Variants in PIK3CB observed in about 807,000 individuals in gnomAD.
PIK3CB encodes phosphatidylinositol 4,5-bisphosphate 3-kinase catalytic subunit beta isoform.
PIK3CB carries 39 observed loss-of-function variants against 136.8 expected under a neutral mutation model. The observed-to-expected ratio is 0.29, with a 90% confidence interval of 0.22 to 0.37. PIK3CB has a LOEUF of 0.37. Among genes scored for constraint, PIK3CB ranks in the 10% least tolerant of loss-of-function variants. PIK3CB has a pLI of 1.00. For missense variants in PIK3CB, 868 were observed against 1,275.4 expected, an observed-to-expected ratio of 0.68 and a Z score of 4.87; for synonymous variants, 428 against 436.6, an observed-to-expected ratio of 0.98 and a Z score of 0.25.
chr3:138,661,373 C>T (rs1009433548), intron 21 of PIK3CB, among the ~76,000 whole-genome samples: 1 of 152,100 alleles, frequency 6.6e-6, no homozygotes, highest in Non-Finnish European at 1.5e-5. Context: ...ATGGGACTTG[C>T]GTACCCCTTT....
chr3:138,759,328 T>C lies in PIK3CB; in HGVS notation c.16A>G (p.Ile6Val), dbSNP rs781669505. MCFSF[I>V]MPPAMADILD... ...ATGTCTGCCATAGCAGGAGGCATTA[T>C]GAAACTGAAGCACATTCATAACCAC... is the stretch of plus-strand genomic sequence containing the variant. The change falls in exon 3 of 24, where the codon ATA becomes GTA. Residue 6 changes from isoleucine to valine, a missense_variant. Physicochemically the swap from Ile to Val is conservative, Grantham distance 29. Coordinates refer to ENST00000674063, the MANE Select transcript of PIK3CB (RefSeq NM_006219.3). 4 of 1,608,340 alleles carry C rather than the reference T, an allele frequency of 2.5e-6. No individual in the cohort carries two copies. The highest frequency in any genetic ancestry group is 2.2e-5 in the East Asian group (1 of 44,854).
At chr3:138,804,031 CCTGA>C (rs2046204164) in intron 1 of PIK3CB, among the ~76,000 whole-genome samples, 1 of 152,112 alleles carries the variant, frequency 6.6e-6, no homozygotes, top group African/African-American at 2.4e-5. Context: ...ATAGAAGCAA[CCTGA>C]CTGACAGGCC....
intron 8 of PIK3CB, among the ~76,000 whole-genome samples, chr3:138,732,907 G>A (rs1470312057): frequency 6.6e-6 from 1 of 151,556 alleles, no homozygotes; most frequent in African/African-American, 2.4e-5. Context: ...AGTGGTAAGA[G>A]TACCTAAAAT....
rs570877546 is a variant in PIK3CB at position 138,791,204 on chromosome 3, G to A, written c.-17+5259C>T. 3.3e-5 allele frequency among the ~76,000 whole-genome samples: 5 copies of A among 150,784 alleles called. No homozygotes were observed. The East Asian group carries it at 8.1e-4, about 24-fold the overall frequency. On this transcript the variant is annotated intron_variant, in intron 2 of 23. Coordinates refer to ENST00000674063, the MANE Select transcript of PIK3CB (RefSeq NM_006219.3). ...GTCACCCAGGCTGGAGTGCAGTGGT[G>A]CAATCTCGGCTCACTGCAACCTCCA...
intron 13 of PIK3CB, among the ~76,000 whole-genome samples, chr3:138,695,908 A>G (rs1297591618): frequency 1.4e-5 from 2 of 145,642 alleles, no homozygotes; most frequent in Non-Finnish European, 3.0e-5. Context: ...GGTGCCTGCC[A>G]CTATGCCCAG....
At chr3:138,672,253 G>C (rs549670565) in intron 19 of PIK3CB, among the ~76,000 whole-genome samples, 4 of 151,902 alleles carry the variant, frequency 2.6e-5, no homozygotes, top group Admixed American at 6.6e-5. Context: ...ATCTACCCCA[G>C]AAACTGGGTA....
chr3:138,780,531 A>C (rs1397267281), intron 2 of PIK3CB, among the ~76,000 whole-genome samples: 4 of 152,224 alleles, frequency 2.6e-5, no homozygotes, highest in Non-Finnish European at 4.4e-5. Flanking sequence ...GGCCTCCCAA[A>C]GTGCTAGGAT....
intron 8 of PIK3CB, among the ~76,000 whole-genome samples, chr3:138,720,456 C>CTG (rs2108601971): frequency 1.3e-5 from 2 of 152,346 alleles, no homozygotes; most frequent in East Asian, 3.9e-4. Flanking sequence ...AAGTGCCTCT[C>CTG]TCCCATCACA....
chr3:138,726,850 T>C (rs2044849366), intron 8 of PIK3CB, among the ~76,000 whole-genome samples: 1 of 150,044 alleles, frequency 6.7e-6, no homozygotes, highest in African/African-American at 2.5e-5. Context: ...AAGGCCAACC[T>C]GGACAACACA....
chr3:138,746,565 G>A (rs1391280994), intron 4 of PIK3CB, among the ~76,000 whole-genome samples: 1 of 152,028 alleles, frequency 6.6e-6, no homozygotes, highest in Non-Finnish European at 1.5e-5. Context: ...GGAGGCTGAG[G>A]CAGGAGAATG....
intron 5 of PIK3CB, among the ~76,000 whole-genome samples, chr3:138,741,100 A>G (rs2045234546): frequency 6.6e-6 from 1 of 152,252 alleles, no homozygotes; most frequent in South Asian, 2.1e-4. Context: ...AACGTATCTC[A>G]GGACAGAATG....
intron 2 of PIK3CB, among the ~76,000 whole-genome samples, chr3:138,788,388 G>A (rs2046004670): frequency 6.6e-6 from 1 of 152,078 alleles, no homozygotes; most frequent in Non-Finnish European, 1.5e-5. Context: ...TGGGCACAGT[G>A]GCTCACGCCT....
At chr3:138,658,561 G>A (rs2043231637) in intron 21 of PIK3CB, among the ~76,000 whole-genome samples, 1 of 152,076 alleles carries the variant, frequency 6.6e-6, no homozygotes, top group Admixed American at 6.6e-5. Context: ...TTTTCCTGGT[G>A]TCTGCCTCCA....
intron 4 of PIK3CB, among the ~76,000 whole-genome samples, chr3:138,747,489 C>T (rs1169948916): frequency 6.6e-6 from 1 of 152,034 alleles, no homozygotes. Context: ...GAGGTGGCTG[C>T]AAAATTATTA....
chr3:138,785,578 C>G (rs1405716368), intron 2 of PIK3CB, among the ~76,000 whole-genome samples: 1 of 152,050 alleles, frequency 6.6e-6, no homozygotes, highest in Non-Finnish European at 1.5e-5. Context: ...GGATTAAGGA[C>G]GGTGTAAGAT....
chr3:138,810,701 G>C (rs750410677), intron 1 of PIK3CB, among the ~76,000 whole-genome samples: 1 of 150,930 alleles, frequency 6.6e-6, no homozygotes, highest in Non-Finnish European at 1.5e-5. Flanking sequence ...GATGGATCAC[G>C]AGGTCAGGAG....
chr3:138,792,804 G>T (rs929314869), intron 2 of PIK3CB, among the ~76,000 whole-genome samples: 1 of 151,882 alleles, frequency 6.6e-6, no homozygotes, highest in African/African-American at 2.4e-5. Context: ...CTCCAACAGG[G>T]TCATACTCTG....
At chr3:138,807,431 C>CA (rs2046246338) in intron 1 of PIK3CB, among the ~76,000 whole-genome samples, 1 of 151,844 alleles carries the variant, frequency 6.6e-6, no homozygotes, top group African/African-American at 2.4e-5. Context: ...GAAACTGTCT[C>CA]AAAAAAATAA....
intron 2 of PIK3CB, among the ~76,000 whole-genome samples, chr3:138,792,825 T>G (rs2046067587): frequency 6.6e-6 from 1 of 152,166 alleles, no homozygotes; most frequent in Non-Finnish European, 1.5e-5. Context: ...TTGCCCAGAC[T>G]GGAGTGCAGT....
Sources: allele counts gnomAD v4.1 joint callset (sites outside exome capture counted in the v4.1 genomes callset), GRCh38; gene constraint gnomAD v4.1.1; transcripts MANE v1.5; gene names NCBI Gene and HGNC (gene_info 2026-07-23, HGNC 2026-07-21).